The following CACNA1C variants were observed in gnomAD, a reference collection of about 807,000 sequenced individuals.
CACNA1C encodes calcium voltage-gated channel subunit alpha1 C.
In CACNA1C, 30 loss-of-function variants were observed where a neutral mutation model predicts 229.0. That is an observed-to-expected ratio of 0.13 (90% CI 0.10 to 0.18). The LOEUF is 0.18. CACNA1C is among the 10% of genes least tolerant of loss of function. The pLI, the probability that CACNA1C is intolerant of heterozygous loss-of-function variation, is 1.00. For missense variants in CACNA1C, 1,658 were observed against 2,845.0 expected (o/e 0.58, Z 9.49); for synonymous variants, 1,114 against 1,132.5 (o/e 0.98, Z 0.33).
intron 1 of CACNA1C, among the ~76,000 whole-genome samples, chr12:2,024,614 G>C (rs1316301272): frequency 6.6e-6 from 1 of 152,198 alleles, no homozygotes; most frequent in African/African-American, 2.4e-5. Flanking sequence ...CCAGAACTCA[G>C]TCCACTGAAA....
At chr12:2,071,130 C>T (rs1166647450) in intron 1 of CACNA1C, among the ~76,000 whole-genome samples, 3 of 58,616 alleles carry the variant, frequency 5.1e-5, no homozygotes, top group Admixed American at 2.9e-4. Context: ...TCCCCCTTCC[C>T]GCTTCCCCCT....
At chr12:1,976,230 T>G (rs1354628291) in intron 1 of CACNA1C, among the ~76,000 whole-genome samples, 2 of 152,226 alleles carry the variant, frequency 1.3e-5, no homozygotes, top group Non-Finnish European at 2.9e-5. Flanking sequence ...CGTATAACCC[T>G]TTATCATATA....
At chr12:2,584,371 C>T in intron 15 of CACNA1C, 132 bp from the exon 16 acceptor site, 1 of 643,228 alleles carries the variant, frequency 1.6e-6, no homozygotes, top group Admixed American at 2.1e-5. Context: ...GGGTCTGACT[C>T]CCTCAAATTG....
chr12:2,234,221 A>G (rs919072236), intron 3 of CACNA1C, among the ~76,000 whole-genome samples: 1 of 152,182 alleles, frequency 6.6e-6, no homozygotes, highest in African/African-American at 2.4e-5. Context: ...CTGAAAACTC[A>G]TGCTGAGGCT....
chr12:2,493,903 TCTTAC>T lies in CACNA1C; in HGVS notation c.1113+522_1113+526del, dbSNP rs760648745. On this transcript the variant is annotated intron_variant, in intron 7 of 46. Transcript: ENST00000399655. This position sits in a 1 kb window ranked among gnomAD's most constrained non-coding sequence, Gnocchi z 4.6. ...ATTCAATTTTTACTTTTTATTTTAC[TCTTAC>T]CTTAACATATTAGAATAGTCCATCA... Among the ~76,000 whole-genome samples the T allele has an allele frequency of 6.6e-6, 1 of 152,264 alleles. No homozygotes were observed. The highest frequency in any genetic ancestry group is 1.5e-5 in the Non-Finnish European group (1 of 68,044).
chr12:2,201,889 T>G (rs1450960633), intron 3 of CACNA1C, among the ~76,000 whole-genome samples: 1 of 152,168 alleles, frequency 6.6e-6, no homozygotes, highest in African/African-American at 2.4e-5. Context: ...CCTCCATTGC[T>G]TGGGGAGAGG....
chr12:2,148,125 T>C (rs2094894529), intron 3 of CACNA1C, among the ~76,000 whole-genome samples: 2 of 151,102 alleles, frequency 1.3e-5, no homozygotes, highest in African/African-American at 4.8e-5. Context: ...GACTTTAGAG[T>C]AGAGAAAGAT....
chr12:2,618,507 C>A (rs574877802), intron 29 of CACNA1C, among the ~76,000 whole-genome samples: 1 of 152,314 alleles, frequency 6.6e-6, no homozygotes, highest in South Asian at 2.1e-4. Context: ...GCCACGAGGC[C>A]CCAAACTGCC....
intron 3 of CACNA1C, among the ~76,000 whole-genome samples, chr12:2,390,112 A>G (rs2098457959): frequency 6.6e-6 from 1 of 152,204 alleles, no homozygotes; most frequent in African/African-American, 2.4e-5. Flanking sequence ...TTGATTTCCA[A>G]ACTCTTTGTA....
chr12:2,606,394 C>G (rs562242880), intron 24 of CACNA1C, among the ~76,000 whole-genome samples: 1 of 152,022 alleles, frequency 6.6e-6, no homozygotes, highest in Non-Finnish European at 1.5e-5. Flanking sequence ...CCCATGGACC[C>G]GAGCTCCTGT....
chr12:2,238,881 G>A (rs532596825), intron 3 of CACNA1C, among the ~76,000 whole-genome samples: 9 of 152,302 alleles, frequency 5.9e-5, no homozygotes, highest in African/African-American at 1.7e-4. Context: ...GGAGGCCAGG[G>A]ATTTTCATTT....
chr12:2,626,950 A>T (rs1286371302), intron 29 of CACNA1C, among the ~76,000 whole-genome samples: 1 of 152,200 alleles, frequency 6.6e-6, no homozygotes, highest in African/African-American at 2.4e-5. Context: ...TGTCCTGGGG[A>T]GGATAAGCCT....
chr12:2,445,017 G>A (rs1157055952), intron 3 of CACNA1C, among the ~76,000 whole-genome samples: 3 of 152,130 alleles, frequency 2.0e-5, no homozygotes, highest in Admixed American at 6.5e-5. Flanking sequence ...TGGTCATCTT[G>A]CTCCTGCCGG....
intron 38 of CACNA1C, among the ~76,000 whole-genome samples, chr12:2,673,447 C>A (rs2153748687): frequency 1.4e-5 from 2 of 138,950 alleles, no homozygotes; most frequent in East Asian, 2.1e-4. Flanking sequence ...GCCTGGGCAA[C>A]AAGAGCAAAC....
At chr12:2,682,894 G>C (rs76062611) in intron 43 of CACNA1C, among the ~76,000 whole-genome samples, 7 of 428 alleles carry the variant, frequency 0.016, no homozygotes, top group Admixed American at 0.045. Flanking sequence ...CACACACACA[G>C]ACACACACAA....
chr12:2,303,039 T>C (rs1270267642), intron 3 of CACNA1C, among the ~76,000 whole-genome samples: 1 of 152,176 alleles, frequency 6.6e-6, no homozygotes. Flanking sequence ...AGCTCCTCCT[T>C]CTCCCAGGAC....
intron 1 of CACNA1C, among the ~76,000 whole-genome samples, chr12:1,988,806 C>A (rs771129186): frequency 6.6e-6 from 1 of 152,062 alleles, no homozygotes; most frequent in Non-Finnish European, 1.5e-5. Flanking sequence ...GTACTATTTC[C>A]GTTATTTATA....
At position 2,512,942 on chromosome 12, in the gene CACNA1C, G is replaced by C. The variant is rs369680588; in HGVS notation, c.1348G>C (p.Glu450Gln). 5.6e-6 allele frequency: 9 copies of C among 1,610,950 alleles called. No homozygotes were observed. Among genetic ancestry groups the C allele is most frequent in the Non-Finnish European group, 7.6e-6 (9 of 1,178,586 alleles). Residue 450 changes from glutamate (E) to glutamine (Q), a missense_variant, in exon 9 of 47, where the codon GAG (glutamate) becomes CAG (glutamine). Glu to Gln is a conservative substitution (Grantham distance 29). Transcript: ENST00000399655. The surrounding 1 kb of genome is among the most constrained non-coding windows in gnomAD (Gnocchi z 4.3). The part of the protein sequence containing the change: ...WITQAEDIDP[E>Q]NEDEGMDEEK... ...CACTCAGGCCGAAGACATCGATCCT[G>C]AGAATGAGGACGAAGGCATGGATGA... is the stretch of plus-strand genomic sequence containing the variant.
In CACNA1C at chr12:1,984,725, C is replaced by T. The variant is rs1341452513; in HGVS notation, c.139+13524C>T. On this transcript the variant is annotated intron_variant, in intron 1 of 46. Transcript: ENST00000682462. The stretch of plus-strand genomic sequence containing the variant: ...TTCCAGCTTTCCCTTTGATATTATT[C>T]CTTCCAGCCTGAAGAATTTCTTTTA... 2.1e-5 allele frequency among the ~76,000 whole-genome samples: 3 copies of T among 145,136 alleles called. No individual in the cohort carries two copies. In the East Asian group the frequency reaches 6.0e-4, roughly 29 times the overall value.
Sources: gnomAD v4.1 joint callset for allele counts (sites outside exome capture counted in the v4.1 genomes callset) on GRCh38, gnomAD v4.1.1 for gene constraint, Gnocchi (gnomAD v3.1) non-coding constraint, MANE v1.5 for transcripts, NCBI Gene and HGNC (gene_info 2026-07-23, HGNC 2026-07-21) for gene names.